Variants in ZBTB38 observed in about 807,000 individuals in gnomAD.
ZBTB38 encodes the protein zinc finger and BTB domain containing 38.
Under a neutral mutation model 76.8 loss-of-function variants are expected in ZBTB38, and 20 were observed. That is an observed-to-expected ratio of 0.26 (90% confidence interval 0.18 to 0.38). The LOEUF (loss-of-function observed/expected upper bound fraction) is 0.38. ZBTB38 is among the 10% of genes least tolerant of loss of function. The pLI is 1.00. For missense variants in ZBTB38, 1,082 were observed against 1,482.3 expected (o/e 0.73, Z 4.43); for synonymous variants, 504 against 544.2 (o/e 0.93, Z 1.03).
chr3:141,410,161 C>T (rs1185326718), intron 5 of ZBTB38, among the ~76,000 whole-genome samples: 1 of 152,142 alleles, frequency 6.6e-6, no homozygotes, highest in African/African-American at 2.4e-5. Flanking sequence ...TGAGGTCTCC[C>T]AGGGGTCTCA....
intron 1 of ZBTB38, among the ~76,000 whole-genome samples, chr3:141,348,119 G>A (rs754997592): frequency 2.6e-5 from 4 of 152,140 alleles, no homozygotes; most frequent in Non-Finnish European, 5.9e-5. Flanking sequence ...GAAGTTATTT[G>A]TATTTGCCCA....
rs139907965 is a variant in ZBTB38 at position 141,372,529 on chromosome 3, A to G, written c.-235+2583A>G. Among the ~76,000 whole-genome samples the G allele has an allele frequency of 3.3e-3, 508 of 152,022 alleles. 4 individuals carry two copies. The highest frequency in any genetic ancestry group is 0.012 in the African/African-American group (485 of 41,500). On this transcript the variant is annotated intron_variant, in intron 2 of 5. Transcript: ENST00000321464. ...TAGCCGAGCAGGGTGGCGCACACCT[A>G]TAATCCCAGCTACTTGGGAGGCTGA...
At position 141,390,541 on chromosome 3, in the gene ZBTB38, G is replaced by A. The variant is rs139722565; in HGVS notation, c.-106+3604G>A. ...CCATGGATCCCCCGGAGATGGACTG[G>A]GAATCAGACTATGACTTAGAGCCTC... On this transcript the variant is annotated intron_variant, in intron 4 of 5. Transcript: ENST00000321464. 3.4e-3 allele frequency among the ~76,000 whole-genome samples: 520 copies of A among 152,270 alleles called. 5 individuals are homozygous for A. Among genetic ancestry groups the A allele is most frequent in the African/African-American group, 0.012 (482 of 41,528 alleles).
At chr3:141,428,515 T>G (rs1215718778) in intron 5 of ZBTB38, among the ~76,000 whole-genome samples, 1 of 152,212 alleles carries the variant, frequency 6.6e-6, no homozygotes, top group Non-Finnish European at 1.5e-5. Context: ...GACGGAGTTT[T>G]GCTCTGTTGT....
At chr3:141,408,534 A>G (rs1232128124) in intron 5 of ZBTB38, among the ~76,000 whole-genome samples, 4 of 152,060 alleles carry the variant, frequency 2.6e-5, no homozygotes, top group African/African-American at 9.7e-5. Context: ...GTGATAGAGC[A>G]ACACTCCATC....
chr3:141,431,341 A>AAAAAAAAAAAAAAAAAAATAT, intron 5 of ZBTB38, among the ~76,000 whole-genome samples: 1 of 103,288 alleles, frequency 9.7e-6, no homozygotes, highest in Admixed American at 9.6e-5. Context: ...AAAAAAAAAA[A>AAAAAAAAAAAAAAAAAAATAT]ATATATATAT....
At chr3:141,393,892 C>A (rs945989318) in intron 4 of ZBTB38, among the ~76,000 whole-genome samples, 2 of 152,196 alleles carry the variant, frequency 1.3e-5, no homozygotes, top group African/African-American at 4.8e-5. Flanking sequence ...GTTGGCCTTG[C>A]TACTTAATGG....
intron 2 of ZBTB38, among the ~76,000 whole-genome samples, chr3:141,379,136 G>A (rs1945835992): frequency 6.6e-6 from 1 of 152,160 alleles, no homozygotes; most frequent in East Asian, 1.9e-4. Flanking sequence ...TCTCTTTGAA[G>A]CATTTACGTC....
intron 1 of ZBTB38, among the ~76,000 whole-genome samples, chr3:141,353,649 C>T (rs1443048296): frequency 1.3e-5 from 2 of 152,102 alleles, no homozygotes; most frequent in East Asian, 3.9e-4. Context: ...GATTATGGAC[C>T]ATGCCACACA....
rs978211597 is a variant in ZBTB38 at position 141,358,742 on chromosome 3, C to T, written c.-738-9879C>T. On this transcript the variant is annotated intron_variant, in intron 1 of 7. Coordinates refer to the ZBTB38 transcript ENST00000509842. ...CCTCCCTAAGCCCCTATCTCCATCC[C>T]AGCCCTAAGCAACCACTAATCTATT... Among the ~76,000 whole-genome samples the T allele has an allele frequency of 2.6e-5, 4 of 152,206 alleles. No individual in the cohort carries two copies. In the East Asian group the frequency reaches 7.7e-4, roughly 29 times the overall value.
intron 2 of ZBTB38, among the ~76,000 whole-genome samples, chr3:141,379,749 A>C (rs184897170): frequency 5.9e-5 from 9 of 152,348 alleles, no homozygotes; most frequent in Admixed American, 3.3e-4. Context: ...ACCAAAGAGG[A>C]TAAAGGCTAC....
At chr3:141,425,007 T>C (rs1577321293) in intron 5 of ZBTB38, among the ~76,000 whole-genome samples, 1 of 152,248 alleles carries the variant, frequency 6.6e-6, no homozygotes, top group Non-Finnish European at 1.5e-5. Flanking sequence ...CCAAGTATCT[T>C]CTATTATTAG....
chr3:141,445,046 C>G lies in ZBTB38; in HGVS notation c.2658C>G (p.Asp886Glu). The G allele has an allele frequency of 6.2e-7, 1 of 1,614,200 alleles. No homozygotes were observed. The change falls in exon 6 of 6, where the codon GAC (aspartate) becomes GAG (glutamate). Residue 886 changes from aspartate (D) to glutamate (E), a missense_variant. Asp to Glu is a conservative substitution (Grantham distance 45). This residue lies in a region of ZBTB38 where 471 missense variants were observed against 581.0 expected (regional missense o/e 0.81). Transcript: ENST00000321464. This position sits in a 1 kb window ranked among gnomAD's most constrained non-coding sequence, Gnocchi z 6.5. ...PQGNDPEPSGDSPLGLCQSEC... is the reference protein window; with the variant it reads ...PQGNDPEPSGESPLGLCQSEC... ...GGAATGACCCAGAACCCAGTGGAGA[C>G]AGCCCACTCGGGCTTTGCCAATCCG...
intron 1 of ZBTB38, among the ~76,000 whole-genome samples, chr3:141,362,536 A>G (rs891188413): frequency 5.3e-5 from 8 of 152,200 alleles, no homozygotes; most frequent in African/African-American, 1.9e-4. Flanking sequence ...TACATGAGTG[A>G]TAGGACATAA....
intron 1 of ZBTB38, among the ~76,000 whole-genome samples, chr3:141,350,711 T>G (rs1399609616): frequency 6.6e-6 from 1 of 152,234 alleles, no homozygotes; most frequent in Non-Finnish European, 1.5e-5. Flanking sequence ...GAGTCAAAAG[T>G]GTATTTTTAG....
chr3:141,330,030 T>G (rs1942798784), intron 1 of ZBTB38, among the ~76,000 whole-genome samples: 1 of 151,806 alleles, frequency 6.6e-6, no homozygotes, highest in South Asian at 2.1e-4. Context: ...TACATTTATT[T>G]ATGTATGCAT....
rs2081140111 is a variant in ZBTB38 at position 141,446,905 on chromosome 3, G to A, written c.*929G>A. ...GCCTCATCTCAGAGAATGAAAGAGG[G>A]TCACATTGTTCTGAAACTCTCTGCA... is the stretch of plus-strand genomic sequence containing the variant. On this transcript the variant is annotated 3_prime_UTR_variant, in exon 6 of 6. Transcript: ENST00000321464. 6.6e-6 allele frequency: 1 copy of A among 152,646 alleles called. No homozygotes were observed. The highest frequency in any genetic ancestry group is 6.5e-5 in the Admixed American group (1 of 15,268). 9.5% of individuals were successfully genotyped at this position (152,646 alleles called of 1,614,324 possible).
At chr3:141,391,177 TA>T (rs1464091952) in intron 4 of ZBTB38, among the ~76,000 whole-genome samples, 1 of 151,652 alleles carries the variant, frequency 6.6e-6, no homozygotes, top group Admixed American at 6.6e-5. Context: ...AAATTAAAAT[TA>T]AAAAAAATAA....
intron 1 of ZBTB38, among the ~76,000 whole-genome samples, chr3:141,327,461 G>A (rs554464547): frequency 2.0e-5 from 3 of 152,296 alleles, no homozygotes; most frequent in African/African-American, 4.8e-5. Context: ...TGAGAAAAAT[G>A]TCAGACTAAA....
Sources: gnomAD v4.1 joint callset for allele counts (sites outside exome capture counted in the v4.1 genomes callset) on GRCh38, gnomAD v4.1.1 for gene constraint, gnomAD v4.1.1 regional missense constraint, Gnocchi (gnomAD v3.1) non-coding constraint, MANE v1.5 for transcripts, NCBI Gene and HGNC (gene_info 2026-07-23, HGNC 2026-07-21) for gene names.